APPL1: variants seen among roughly 807,000 people sequenced by gnomAD.
APPL1 encodes adaptor protein, phosphotyrosine interacting with PH domain and leucine zipper 1.
In APPL1, 42 loss-of-function variants were observed where a neutral mutation model predicts 106.8. That is an observed-to-expected ratio of 0.39 (90% CI 0.31 to 0.51). APPL1 has a LOEUF of 0.51. Among genes scored for constraint, APPL1 ranks in the 20% least tolerant of loss-of-function variants. The pLI is 0.75. For synonymous variants in APPL1, 263 were observed against 281.8 expected (o/e 0.93, Z 0.67); for missense variants, 769 against 858.2 (o/e 0.90, Z 1.30).
At chr3:57,251,851 A>T (rs1013913004) in intron 11 of APPL1, among the ~76,000 whole-genome samples, 2 of 152,194 alleles carry the variant, frequency 1.3e-5, no homozygotes, top group African/African-American at 4.8e-5. Flanking sequence ...ATTAACATTG[A>T]AATATTTGAT....
Position 57,271,227 on chromosome 3 carries a change from C to G in APPL1, c.*1540C>G, listed in dbSNP as rs542085162. 6 of 151,268 alleles carry G rather than the reference C, an allele frequency of 4.0e-5. No individual in the cohort carries two copies. The East Asian group carries it at 1.2e-3, about 29-fold the overall frequency. 9.4% of individuals were successfully genotyped at this position (151,268 alleles called of 1,614,324 possible). On this transcript the variant is annotated 3_prime_UTR_variant, in exon 22 of 22. Transcript: ENST00000288266. Reference sequence around the variant, plus strand: ...CAAAATATAACTCAGCTGTTTCACACTGTATATGTACATTGTTTTCTGTAG... The same window carrying G: ...CAAAATATAACTCAGCTGTTTCACAGTGTATATGTACATTGTTTTCTGTAG...
rs2060791423 is a variant in APPL1, at chr3:57,249,410, A to G, written c.914A>G (p.Gln305Arg). Residue 305 changes from glutamine to arginine, a missense_variant, in exon 11 of 22, where the codon CAG (glutamine) becomes CGG (arginine). Physicochemically the swap from Gln to Arg is conservative, Grantham distance 43. Transcript: ENST00000288266. ...STWDRQFYFT[Q>R]GGNLMSQARG... ...TGGGACAGACAGTTTTACTTCACGC[A>G]GGGTGGAAATTTAATGAGTCAGGCC... The G allele has an allele frequency of 6.2e-7, 1 of 1,614,160 alleles. No homozygotes were observed.
Position 57,257,064 on chromosome 3 carries a change from A to G in APPL1, c.1247+13A>G. The G allele has an allele frequency of 6.2e-7, 1 of 1,613,024 alleles. No individual in the cohort carries two copies. Among genetic ancestry groups the G allele is most frequent in the Non-Finnish European group, 8.5e-7 (1 of 1,179,066 alleles). The stretch of plus-strand genomic sequence containing the variant: ...GGCCAGCAGCAGGGTAAGTTACCAC[A>G]CTGAGTTATTTAAAGAAGGAGATGG... On this transcript the variant is annotated intron_variant, in intron 14 of 21. Coordinates refer to ENST00000288266, the MANE Select transcript of APPL1 (RefSeq NM_012096.3).
At chr3:57,245,325 A>G (rs1008671056) in intron 7 of APPL1, among the ~76,000 whole-genome samples, 3 of 152,190 alleles carry the variant, frequency 2.0e-5, no homozygotes, top group African/African-American at 7.2e-5. Context: ...TATTTCAAGT[A>G]TGGGTGAAGG....
At chr3:57,257,103 T>C in intron 14 of APPL1, 52 bp downstream of exon 14, 1 of 1,583,454 alleles carries the variant, frequency 6.3e-7, no homozygotes, top group Non-Finnish European at 8.7e-7. Flanking sequence ...ATTTAAAGTA[T>C]CTGTGATCTG....
chr3:57,253,611 T>A (rs1468853519), intron 12 of APPL1, 71 bp from the exon 13 acceptor site: 15 of 1,200,234 alleles, frequency 1.2e-5, no homozygotes, highest in African/African-American at 1.6e-5. Context: ...CAGTTGAGTA[T>A]TGAACATTTG....
In APPL1 at chr3:57,268,035, A is replaced by G. The variant is rs781129401; in HGVS notation, c.1893+243A>G. 5.4e-5 allele frequency: 30 copies of G among 554,918 alleles called. No homozygotes were observed. The highest frequency in any genetic ancestry group is 9.3e-5 in the East Asian group (3 of 32,290). 34.4% of individuals were successfully genotyped at this position (554,918 alleles called of 1,614,324 possible). A position where few individuals can be genotyped will look rare whatever the true frequency, so the allele number is the denominator to read the frequency against. ...TTGAATCCGGGAGGCGGAGGTTGCA[A>G]TGAGCCGAGATCACACCACTGCACT... On this transcript the variant is annotated intron_variant, in intron 20 of 21. Transcript: ENST00000288266.
rs1267202655 is a variant in APPL1 at position 57,237,521 on chromosome 3, C to A, written c.183C>A (p.Thr61=). The A allele has an allele frequency of 1.3e-5, 21 of 1,602,494 alleles. No individual in the cohort carries two copies. Among genetic ancestry groups the A allele is most frequent in the Admixed American group, 8.5e-5 (5 of 58,888 alleles). ...AATTAAGTGCAGCAACACACCTGAC[C>A]TCAAAACTTTTAAAAGAATATGAAA... The part of the protein sequence containing the change: ...QNELSAATHL[T]SKLLKEYEKQ... Residue 61 remains threonine, a synonymous_variant, in exon 3 of 22, where the codon ACC becomes ACA. Transcript: ENST00000288266.
intron 3 of APPL1, 72 bp from the exon 4 acceptor site, chr3:57,237,973 G>T: frequency 1.7e-6 from 2 of 1,183,646 alleles, no homozygotes; most frequent in South Asian, 2.8e-5. Flanking sequence ...ATTTAAAAAT[G>T]TAAATTATAG....
chr3:57,268,009 C>T (rs1047043410), intron 20 of APPL1: 9 of 577,814 alleles, frequency 1.6e-5, no homozygotes, highest in Non-Finnish European at 2.7e-5. Flanking sequence ...ACGAGAATGA[C>T]TTGAATCCGG....
intron 19 of APPL1, among the ~76,000 whole-genome samples, chr3:57,261,054 C>A (rs1054226693): frequency 1.3e-5 from 2 of 152,084 alleles, no homozygotes; most frequent in African/African-American, 4.8e-5. Context: ...TATATTCTTT[C>A]TATCGTAATT....
At chr3:57,253,797 CAT>C in intron 13 of APPL1, 59 bp downstream of exon 13, 13 of 1,258,886 alleles carry the variant, frequency 1.0e-5, no homozygotes, top group Non-Finnish European at 1.3e-5. Flanking sequence ...TTGTGGCTTA[CAT>C]GTTTTTATTA....
At chr3:57,242,027 G>A (rs1579385834) in intron 5 of APPL1, 74 bp from the exon 6 acceptor site, 2 of 1,024,474 alleles carry the variant, frequency 2.0e-6, no homozygotes, top group Non-Finnish European at 1.5e-6. Flanking sequence ...TATAGTTTAA[G>A]TAGCAGTTAT....
Position 57,269,726 on chromosome 3 carries a change from C to A in APPL1, c.*39C>A. On this transcript the variant is annotated 3_prime_UTR_variant, in exon 22 of 22. Transcript: ENST00000288266. ...GTAGATATTCCCCCTTGGAATTTGA[C>A]AGTTTCTATGGTGAAATGGCAGAAG... is the stretch of plus-strand genomic sequence containing the variant. 6.2e-7 allele frequency: 1 copy of A among 1,603,710 alleles called. No individual in the cohort carries two copies. The highest frequency in any genetic ancestry group is 8.5e-7 in the Non-Finnish European group (1 of 1,172,136).
At chr3:57,237,425 G>T in intron 2 of APPL1, 67 bp from the exon 3 acceptor site, 2 of 1,017,186 alleles carry the variant, frequency 2.0e-6, no homozygotes, top group Non-Finnish European at 2.9e-6. Flanking sequence ...AATAAATTAG[G>T]TATTTAATTA....
At position 57,267,840 on chromosome 3, in the gene APPL1, G is replaced by A. The variant is rs778724747; in HGVS notation, c.1893+48G>A. On this transcript the variant is annotated intron_variant, in intron 20 of 21. Transcript: ENST00000288266. ...GGCACAGTGGTTCACACCTGTAATC[G>A]CAGCACATTGGGAGGCCGAGGCGGG... The A allele has an allele frequency of 7.5e-6, 12 of 1,593,688 alleles. No homozygotes were observed. The African/African-American group carries it at 9.4e-5, about 12-fold the overall frequency.
chr3:57,249,676 T>C, intron 11 of APPL1, 128 bp downstream of exon 11: 1 of 818,772 alleles, frequency 1.2e-6, no homozygotes, highest in Non-Finnish European at 1.8e-6. Context: ...AAATTGCTTT[T>C]TAATCTTGTA....
At position 57,249,463 on chromosome 3, in the gene APPL1, A is replaced by G. The variant is rs1559510393; in HGVS notation, c.967A>G (p.Met323Val). The G allele has an allele frequency of 1.2e-6, 2 of 1,614,192 alleles. No individual in the cohort carries two copies. Among genetic ancestry groups the G allele is most frequent in the African/African-American group, 1.3e-5 (1 of 75,050 alleles). The stretch of plus-strand genomic sequence containing the variant: ...TGGGGATGTAGCAGGAGGCCTGGCC[A>G]TGGACATAGACAACTGTTCAGTGAT... Reference protein sequence around the residue: ...ARGDVAGGLAMDIDNCSVMAV... With the variant: ...ARGDVAGGLAVDIDNCSVMAV... Residue 323 changes from methionine (M) to valine (V), a missense_variant, in exon 11 of 22, where the codon ATG becomes GTG. Met to Val is a conservative substitution (Grantham distance 21). Transcript: ENST00000288266.
chr3:57,230,580 C>A, intron 1 of APPL1: 1 of 240,776 alleles, frequency 4.2e-6, no homozygotes, highest in Non-Finnish European at 8.9e-6. Flanking sequence ...TTGAAGACCA[C>A]ACATTTCCTT....
Sources: gnomAD v4.1 joint callset for allele counts (sites outside exome capture counted in the v4.1 genomes callset) on GRCh38, gnomAD v4.1.1 for gene constraint, MANE v1.5 for transcripts, NCBI Gene and HGNC (gene_info 2026-07-23, HGNC 2026-07-21) for gene names.